The following FBXL5 variants were observed in gnomAD, a reference collection of about 807,000 sequenced individuals.
The protein encoded by FBXL5 is F-box and leucine rich repeat protein 5, also known as F-box/LRR-repeat protein 5.
FBXL5 carries 26 observed loss-of-function variants against 78.3 expected under a neutral mutation model. That is an observed-to-expected ratio of 0.33 (90% CI 0.24 to 0.46). The LOEUF (loss-of-function observed/expected upper bound fraction) is 0.46, where lower values mean the gene tolerates loss of function less well. FBXL5 is among the 20% of genes least tolerant of loss of function. The pLI, the probability that FBXL5 is intolerant of heterozygous loss-of-function variation, is 1.00. For missense variants in FBXL5, 710 were observed against 829.2 expected (o/e 0.86, Z 1.77); for synonymous variants, 295 against 282.5 (o/e 1.04, Z -0.45).
intron 1 of FBXL5, among the ~76,000 whole-genome samples, chr4:15,649,298 G>A (rs755538447): frequency 3.3e-5 from 5 of 151,986 alleles, no homozygotes; most frequent in Non-Finnish European, 7.4e-5. Context: ...GAATAACCAG[G>A]GCCGGGCACA....
intron 9 of FBXL5, among the ~76,000 whole-genome samples, chr4:15,616,547 T>A (rs1321138846): frequency 6.6e-6 from 1 of 152,172 alleles, no homozygotes. Context: ...TCCCCTTTCA[T>A]CCCTTCCCTC....
intron 1 of FBXL5, among the ~76,000 whole-genome samples, chr4:15,646,108 T>G (rs1715321535): frequency 6.6e-6 from 1 of 152,212 alleles, no homozygotes; most frequent in Non-Finnish European, 1.5e-5. Flanking sequence ...TTGCAGGCCA[T>G]GTGGTCTGTA....
chr4:15,657,378 A>G (rs1244903935), upstream of FBXL5, among the ~76,000 whole-genome samples: 2 of 152,176 alleles, frequency 1.3e-5, no homozygotes, highest in African/African-American at 2.4e-5. Flanking sequence ...GCACTGTGTA[A>G]TTTCCTCATT....
chr4:15,632,038 T>C (rs1205111594), intron 5 of FBXL5, among the ~76,000 whole-genome samples: 1 of 152,270 alleles, frequency 6.6e-6, no homozygotes, highest in African/African-American at 2.4e-5. Context: ...CTAGGGTTTT[T>C]ATGGTTTTAG....
At chr4:15,660,098 A>G (rs1193793229), upstream of FBXL5, among the ~76,000 whole-genome samples, 1 of 148,846 alleles carries the variant, frequency 6.7e-6, no homozygotes, top group African/African-American at 2.5e-5. Flanking sequence ...TTTTTTTTTT[A>G]AAGAGGGTTT....
chr4:15,676,736 G>A (rs754636874), intron 1 of FBXL5, among the ~76,000 whole-genome samples: 33 of 151,940 alleles, frequency 2.2e-4, no homozygotes, highest in Non-Finnish European at 4.9e-4. Context: ...ACTAGGTGTT[G>A]GGTTGTTGGG....
chr4:15,611,331 T>C lies in FBXL5; in HGVS notation c.1999+935A>G, dbSNP rs569797458. 4.5e-4 allele frequency among the ~76,000 whole-genome samples: 68 copies of C among 152,222 alleles called. No homozygotes were observed. The Middle Eastern group carries it at 0.01, about 23-fold the overall frequency. ...ATGTCATTACTCCCTCTGGTCTTCC[T>C]GACTCCTGTCAATTGTTCTGCCTGA... On this transcript the variant is annotated intron_variant, in intron 10 of 10. Coordinates refer to ENST00000341285, the MANE Select transcript of FBXL5 (RefSeq NM_012161.4).
Position 15,605,499 on chromosome 4 carries a change from C to T in FBXL5, c.*224G>A. On this transcript the variant is annotated 3_prime_UTR_variant, in exon 11 of 11. Coordinates refer to ENST00000341285, the MANE Select transcript of FBXL5 (RefSeq NM_012161.4). ...AAGAAAAATGTAAGACTGTTCTCAC[C>T]CTTTTGAAAAGACCTAATCCCTTTC... The T allele has an allele frequency of 1.3e-5, 6 of 478,948 alleles. No individual in the cohort carries two copies. The highest frequency in any genetic ancestry group is 5.2e-5 in the South Asian group (2 of 38,466). 29.7% of individuals were successfully genotyped at this position (478,948 alleles called of 1,614,324 possible).
intron 1 of FBXL5, among the ~76,000 whole-genome samples, chr4:15,650,661 CTTTTTTTTTTTTTTTTTT>C (rs34334098): frequency 3.9e-5 from 3 of 77,884 alleles, no homozygotes; most frequent in Non-Finnish European, 7.1e-5. Flanking sequence ...AACTGACTTT[CTTTTTTTTTTTTTTTTTT>C]TTTTTTGAGA....
At chr4:15,661,591 A>T (rs1560248091), upstream of FBXL5, among the ~76,000 whole-genome samples, 1 of 152,228 alleles carries the variant, frequency 6.6e-6, no homozygotes, top group Non-Finnish European at 1.5e-5. Context: ...GTTGTAAGTG[A>T]CAGAAAATAG....
At chr4:15,644,412 A>T in intron 2 of FBXL5, 81 bp downstream of exon 2, 1 of 1,129,458 alleles carries the variant, frequency 8.9e-7, no homozygotes. Flanking sequence ...CATTTACTAT[A>T]AAACAGTGAC....
At chr4:15,635,184 T>G (rs1161431089) in intron 5 of FBXL5, among the ~76,000 whole-genome samples, 3 of 150,900 alleles carry the variant, frequency 2.0e-5, no homozygotes, top group African/African-American at 7.3e-5. Flanking sequence ...GTACAAAAAA[T>G]TAGCCAGGCA....
In FBXL5 at chr4:15,612,247, C is replaced by T; in HGVS notation, c.1999+19G>A. The T allele has an allele frequency of 6.8e-7, 1 of 1,478,776 alleles. No homozygotes were observed. Among genetic ancestry groups the T allele is most frequent in the Non-Finnish European group, 8.9e-7 (1 of 1,122,080 alleles). 91.6% of individuals were successfully genotyped at this position (1,478,776 alleles called of 1,614,324 possible). On this transcript the variant is annotated intron_variant, in intron 10 of 10. Coordinates refer to ENST00000341285, the MANE Select transcript of FBXL5 (RefSeq NM_012161.4). ...TAAATTAATTCCTTCAAAATTATCG[C>T]ACTGTTAAAAGGCATTACCGTTAAT...
At chr4:15,621,668 A>G (rs1187299545) in intron 9 of FBXL5, among the ~76,000 whole-genome samples, 1 of 152,236 alleles carries the variant, frequency 6.6e-6, no homozygotes, top group East Asian at 1.9e-4. Context: ...AGGGGCCCAA[A>G]GAAAGTTAAA....
upstream of FBXL5, among the ~76,000 whole-genome samples, chr4:15,655,867 G>A (rs1167678390): frequency 6.6e-6 from 1 of 152,202 alleles, no homozygotes; most frequent in African/African-American, 2.4e-5. Flanking sequence ...CACCCCGGCC[G>A]CCACTCAAAG....
intron 10 of FBXL5, among the ~76,000 whole-genome samples, chr4:15,608,857 T>C (rs1722057286): frequency 6.6e-6 from 1 of 152,178 alleles, no homozygotes; most frequent in Admixed American, 6.5e-5. Context: ...TTAAAGGATC[T>C]GCTGAAGGCC....
At chr4:15,656,122 T>C (rs1344779511), upstream of FBXL5, 31 of 454,184 alleles carry the variant, frequency 6.8e-5, no homozygotes, top group East Asian at 2.1e-3. Context: ...CGACGGGCCT[T>C]GGGGGTGGGG....
intron 9 of FBXL5, among the ~76,000 whole-genome samples, chr4:15,614,484 TG>T (rs1199437849): frequency 2.0e-5 from 3 of 152,098 alleles, no homozygotes; most frequent in Non-Finnish European, 4.4e-5. Flanking sequence ...TGGGGTCACC[TG>T]GGTAAGTATT....
chr4:15,625,322 G>C lies in FBXL5; in HGVS notation c.1780C>G (p.Gln594Glu), dbSNP rs1291892690. ...LIYFGSEKSDQETGRVLLFLS... is the reference protein window; with the variant it reads ...LIYFGSEKSDEETGRVLLFLS... ...AACAGAAGTACACGTCCAGTCTCTT[G>C]ATCAGATTTTTCACTCCCAAAGTAA... The change falls in exon 9 of 11, where the codon CAA becomes GAA. Residue 594 changes from glutamine (Q) to glutamate (E), a missense_variant. Coordinates refer to ENST00000341285, the MANE Select transcript of FBXL5 (RefSeq NM_012161.4). 2 of 1,614,016 alleles carry C rather than the reference G, an allele frequency of 1.2e-6. No homozygotes were observed. Among genetic ancestry groups the C allele is most frequent in the East Asian group, 2.2e-5 (1 of 44,892 alleles).
Sources: allele counts gnomAD v4.1 joint callset (sites outside exome capture counted in the v4.1 genomes callset), GRCh38; gene constraint gnomAD v4.1.1; transcripts MANE v1.5; gene names NCBI Gene and HGNC (gene_info 2026-07-23, HGNC 2026-07-21).